SFMBT1: variants seen among roughly 807,000 people sequenced by gnomAD.
SFMBT1 encodes the protein Scm like with four mbt domains 1.
Under a neutral mutation model 108.7 loss-of-function variants are expected in SFMBT1, and 32 were observed. The observed-to-expected ratio is 0.29, with a 90% confidence interval of 0.22 to 0.40. SFMBT1 has a LOEUF of 0.40. SFMBT1 is among the 10% of genes least tolerant of loss of function. The probability of loss-of-function intolerance (pLI) is 1.00; values close to 1 mark genes in which losing one functional copy is unlikely to be tolerated. For missense variants in SFMBT1, 816 were observed against 1,059.6 expected, an observed-to-expected ratio of 0.77 and a Z score of 3.19; for synonymous variants, 348 against 369.5, an observed-to-expected ratio of 0.94 and a Z score of 0.67.
chr3:53,011,352 G>A (rs768303329), intron 1 of SFMBT1, among the ~76,000 whole-genome samples: 1 of 152,156 alleles, frequency 6.6e-6, no homozygotes, highest in Non-Finnish European at 1.5e-5. Flanking sequence ...CGTGTGTAAG[G>A]TGGCAGGAGG....
chr3:52,918,148 C>T (rs1702416590), intron 13 of SFMBT1, among the ~76,000 whole-genome samples: 1 of 152,070 alleles, frequency 6.6e-6, no homozygotes, highest in East Asian at 1.9e-4. Flanking sequence ...TATTTTTTTC[C>T]ACTGTGACAA....
intron 2 of SFMBT1, among the ~76,000 whole-genome samples, chr3:52,966,624 CA>C (rs35044878): frequency 0.017 from 839 of 48,360 alleles, 4 homozygotes; most frequent in African/African-American, 0.059. Flanking sequence ...GACTCAGTCT[CA>C]AAAAAAAAAA....
At chr3:52,945,821 A>AG (rs1380241445) in intron 3 of SFMBT1, among the ~76,000 whole-genome samples, 1 of 151,920 alleles carries the variant, frequency 6.6e-6, no homozygotes, top group East Asian at 1.9e-4. Flanking sequence ...AAAAAAAAAA[A>AG]AAAGAAAAAA....
At chr3:52,911,517 A>T (rs1702213436) in intron 16 of SFMBT1, among the ~76,000 whole-genome samples, 4 of 152,256 alleles carry the variant, frequency 2.6e-5, no homozygotes, top group Admixed American at 2.6e-4. Flanking sequence ...CTTGGCAGTG[A>T]TCCTCAGACT....
At chr3:53,009,951 C>A (rs1484439353) in intron 1 of SFMBT1, among the ~76,000 whole-genome samples, 1 of 152,146 alleles carries the variant, frequency 6.6e-6, no homozygotes, top group Non-Finnish European at 1.5e-5. Context: ...GTTGGTCTTG[C>A]TGTCTCAGGG....
intron 1 of SFMBT1, among the ~76,000 whole-genome samples, chr3:53,009,462 T>A (rs1575436348): frequency 6.6e-6 from 1 of 152,008 alleles, no homozygotes; most frequent in East Asian, 1.9e-4. Flanking sequence ...AAAGAATCCC[T>A]CACTTTGAAC....
intron 3 of SFMBT1, among the ~76,000 whole-genome samples, chr3:52,947,101 C>A (rs1559521797): frequency 6.7e-6 from 1 of 148,468 alleles, no homozygotes; most frequent in Non-Finnish European, 1.5e-5. Flanking sequence ...CAACATTTTT[C>A]TATTTTCAGT....
intron 1 of SFMBT1, among the ~76,000 whole-genome samples, chr3:52,972,683 G>T (rs896655448): frequency 6.6e-6 from 1 of 150,918 alleles, no homozygotes; most frequent in African/African-American, 2.4e-5. Flanking sequence ...CGAGGCAGGT[G>T]GATTGCTTGA....
At chr3:52,994,978 GA>G (rs1294821042) in intron 1 of SFMBT1, among the ~76,000 whole-genome samples, 5 of 132,490 alleles carry the variant, frequency 3.8e-5, no homozygotes, top group Admixed American at 1.6e-4. Context: ...AAAACAATTT[GA>G]AAAAAATCTA....
intron 9 of SFMBT1, among the ~76,000 whole-genome samples, chr3:52,927,640 G>T (rs1041294250): frequency 1.3e-5 from 2 of 152,138 alleles, no homozygotes; most frequent in Admixed American, 1.3e-4. Flanking sequence ...AAGGATCAAA[G>T]ACTATATTTT....
intron 1 of SFMBT1, among the ~76,000 whole-genome samples, chr3:52,984,422 C>A (rs1200820355): frequency 1.3e-5 from 2 of 151,026 alleles, no homozygotes; most frequent in Non-Finnish European, 2.9e-5. Context: ...CCCTTGGGAA[C>A]CTCCTTGTTG....
At chr3:53,040,526 TAAC>T (rs1700004720) in intron 1 of SFMBT1, among the ~76,000 whole-genome samples, 1 of 151,778 alleles carries the variant, frequency 6.6e-6, no homozygotes, top group Non-Finnish European at 1.5e-5. Flanking sequence ...TACTGACACT[TAAC>T]AACCCTATCT....
chr3:53,040,968 ATTTTTTTTTTTTTTTT>A (rs57640588), intron 1 of SFMBT1, among the ~76,000 whole-genome samples: 4 of 46,360 alleles, frequency 8.6e-5, no homozygotes, highest in African/African-American at 1.7e-4. Context: ...AGACACCTGA[ATTTTTTTTTTTTTTTT>A]TTTTTTTTTT....
At chr3:52,994,534 C>G (rs973265362) in intron 1 of SFMBT1, among the ~76,000 whole-genome samples, 1 of 150,464 alleles carries the variant, frequency 6.6e-6, no homozygotes, top group Non-Finnish European at 1.5e-5. Context: ...GAGTCTCGCT[C>G]TGTGGCCCAG....
intron 15 of SFMBT1, among the ~76,000 whole-genome samples, chr3:52,913,148 G>A (rs923577207): frequency 6.6e-6 from 1 of 152,108 alleles, no homozygotes; most frequent in African/African-American, 2.4e-5. Context: ...GCTTTATCAC[G>A]GTCGCTAGGT....
intron 2 of SFMBT1, among the ~76,000 whole-genome samples, chr3:52,959,988 T>C (rs73839727): frequency 0.013 from 1,944 of 151,834 alleles, 45 homozygotes; most frequent in African/African-American, 0.045. Flanking sequence ...AGGAGGTAAA[T>C]ATAAGGATGT....
intron 10 of SFMBT1, among the ~76,000 whole-genome samples, chr3:52,925,482 C>T (rs527455215): frequency 3.3e-5 from 5 of 152,266 alleles, no homozygotes; most frequent in Non-Finnish European, 5.9e-5. Flanking sequence ...AACCAAGTGA[C>T]ATGTCTAAAA....
chr3:52,928,655 CACATATATACATATAT>C (rs1559514171), intron 8 of SFMBT1, among the ~76,000 whole-genome samples: 3,083 of 26,756 alleles, frequency 0.12, 84 homozygotes, highest in Non-Finnish European at 0.26. Context: ...TATATATATA[CACATATATACATATAT>C]ACACACACAC....
At chr3:52,963,975 A>C (rs879578780) in intron 2 of SFMBT1, among the ~76,000 whole-genome samples, 2 of 152,170 alleles carry the variant, frequency 1.3e-5, no homozygotes, top group Non-Finnish European at 2.9e-5. Context: ...ACAAGCATAA[A>C]ATCAAAGAAG....
Sources: gnomAD v4.1 joint callset for allele counts (sites outside exome capture counted in the v4.1 genomes callset) on GRCh38, gnomAD v4.1.1 for gene constraint, MANE v1.5 for transcripts, NCBI Gene and HGNC (gene_info 2026-07-23, HGNC 2026-07-21) for gene names.